GPM6A: variants seen among roughly 807,000 people sequenced by gnomAD.
The protein encoded by GPM6A is neuronal membrane glycoprotein M6-a.
In GPM6A, 7 loss-of-function variants were observed where a neutral mutation model predicts 32.1. That is an observed-to-expected ratio of 0.22 (90% CI 0.12 to 0.41). The LOEUF (loss-of-function observed/expected upper bound fraction) is 0.41, where lower values mean the gene tolerates loss of function less well. GPM6A is among the 10% of genes least tolerant of loss of function. The pLI is 1.00. For synonymous variants in GPM6A, 130 were observed against 123.4 expected (o/e 1.05, Z -0.35); for missense variants, 235 against 347.2 (o/e 0.68, Z 2.57).
chr4:175,975,096 G>C lies in GPM6A; in HGVS notation c.-23+27213C>G, dbSNP rs553696187. Among the ~76,000 whole-genome samples the C allele has an allele frequency of 2.0e-5, 3 of 152,266 alleles. No homozygotes were observed. In the East Asian group the frequency reaches 5.8e-4, roughly 29 times the overall value. Reference sequence around the variant, plus strand: ...TAATACAACAAGCTAGTGCCTGCCTGCATTCTCTGCTCATCTGTGCCATAC... The same window carrying C: ...TAATACAACAAGCTAGTGCCTGCCTCCATTCTCTGCTCATCTGTGCCATAC... On this transcript the variant is annotated intron_variant, in intron 1 of 7. Coordinates refer to the GPM6A transcript ENST00000280187.
intron 2 of GPM6A, among the ~76,000 whole-genome samples, chr4:175,675,438 A>G (rs1400283401): frequency 1.3e-5 from 2 of 152,138 alleles, no homozygotes; most frequent in Non-Finnish European, 2.9e-5. Context: ...TTCTTTGGAT[A>G]GAGACCATGA....
chr4:175,811,697 T>C (rs1472244190), intron 1 of GPM6A, among the ~76,000 whole-genome samples: 1 of 152,228 alleles, frequency 6.6e-6, no homozygotes, highest in African/African-American at 2.4e-5. Flanking sequence ...TCCTCGTTTT[T>C]AGTTTTTATT....
intron 1 of GPM6A, among the ~76,000 whole-genome samples, chr4:175,819,681 A>G (rs764126602): frequency 9.2e-5 from 14 of 152,178 alleles, no homozygotes; most frequent in Non-Finnish European, 1.6e-4. Flanking sequence ...AAACATAGGC[A>G]TTCTGACCCC....
chr4:175,637,617 AAT>A (rs1740811314), intron 6 of GPM6A, among the ~76,000 whole-genome samples: 1 of 26,644 alleles, frequency 3.8e-5, no homozygotes, highest in African/African-American at 8.0e-5. Context: ...TATAATATAT[AAT>A]ATATATTATA....
At chr4:175,775,389 A>G (rs1272131946) in intron 1 of GPM6A, among the ~76,000 whole-genome samples, 2 of 152,166 alleles carry the variant, frequency 1.3e-5, no homozygotes, top group African/African-American at 2.4e-5. Context: ...GAACGTTTCT[A>G]TAGTGGTGTT....
At chr4:175,638,563 T>C (rs76462524) in intron 6 of GPM6A, among the ~76,000 whole-genome samples, 3,315 of 152,222 alleles carry the variant, frequency 0.022, 52 homozygotes, top group Middle Eastern at 0.044. Flanking sequence ...TGTTGATTTG[T>C]TTTGAGAGTA....
chr4:175,690,655 GC>G (rs1230446545), intron 2 of GPM6A, among the ~76,000 whole-genome samples: 3 of 152,156 alleles, frequency 2.0e-5, no homozygotes, highest in African/African-American at 7.2e-5. Flanking sequence ...AAGTAACACT[GC>G]CTTCTTCTCT....
chr4:175,931,107 G>A, intron 1 of GPM6A, among the ~76,000 whole-genome samples: 1 of 152,050 alleles, frequency 6.6e-6, no homozygotes, highest in Non-Finnish European at 1.5e-5. Context: ...ACATCATAGT[G>A]AATATTAACT....
chr4:175,896,413 C>A (rs1737794505), intron 1 of GPM6A, among the ~76,000 whole-genome samples: 1 of 152,058 alleles, frequency 6.6e-6, no homozygotes, highest in African/African-American at 2.4e-5. Flanking sequence ...CGGGGAGGTG[C>A]CTGGGATTCT....
chr4:175,912,683 G>C (rs952939011), intron 1 of GPM6A, among the ~76,000 whole-genome samples: 1 of 151,890 alleles, frequency 6.6e-6, no homozygotes, highest in South Asian at 2.1e-4. Context: ...AAAGAATAAA[G>C]GTGTCAGTAC....
chr4:175,680,063 G>A (rs1743595440), intron 2 of GPM6A, among the ~76,000 whole-genome samples: 1 of 151,980 alleles, frequency 6.6e-6, no homozygotes, highest in South Asian at 2.1e-4. Context: ...ATTGTATCAA[G>A]GTAAGAAACA....
chr4:175,879,072 A>G (rs1393284810), intron 1 of GPM6A, among the ~76,000 whole-genome samples: 1 of 152,162 alleles, frequency 6.6e-6, no homozygotes, highest in African/African-American at 2.4e-5. Flanking sequence ...AGCAAGAGAC[A>G]CCTTTATTCC....
intron 1 of GPM6A, among the ~76,000 whole-genome samples, chr4:175,829,795 T>C (rs1443812473): frequency 6.7e-6 from 1 of 150,332 alleles, no homozygotes; most frequent in Non-Finnish European, 1.5e-5. Context: ...GGGAAGTTAC[T>C]ATAAAACTAA....
chr4:175,832,921 G>A (rs1735658583), intron 1 of GPM6A, among the ~76,000 whole-genome samples: 1 of 152,140 alleles, frequency 6.6e-6, no homozygotes, highest in South Asian at 2.1e-4. Context: ...ATGGTTTCCA[G>A]CCTCTACTAT....
chr4:175,726,698 C>T (rs1244378040), intron 1 of GPM6A, among the ~76,000 whole-genome samples: 1 of 152,034 alleles, frequency 6.6e-6, no homozygotes, highest in Admixed American at 6.6e-5. Context: ...AACTAAAATG[C>T]AAAAATGTTA....
chr4:175,868,455 C>T (rs1736806730), intron 1 of GPM6A, among the ~76,000 whole-genome samples: 1 of 152,194 alleles, frequency 6.6e-6, no homozygotes, highest in Admixed American at 6.5e-5. Flanking sequence ...AATTTATGCA[C>T]TTAATGCTAT....
At position 175,721,663 on chromosome 4, in the gene GPM6A, G is replaced by A. The variant is rs185949967; in HGVS notation, c.38-19896C>T. ...CTTACTACATAAATAACATTATTTG[G>A]AATTAAAATATAGAAGACAATAAAT... is the stretch of plus-strand genomic sequence containing the variant. On this transcript the variant is annotated intron_variant, in intron 1 of 6. Transcript: ENST00000393658. Among the ~76,000 whole-genome samples the A allele has an allele frequency of 5.1e-3, 771 of 152,172 alleles. 11 individuals carry two copies. The highest frequency in any genetic ancestry group is 4.9e-3 in the Non-Finnish European group (332 of 68,000).
intron 1 of GPM6A, among the ~76,000 whole-genome samples, chr4:175,894,948 TA>T (rs1737752476): frequency 6.6e-6 from 1 of 152,290 alleles, no homozygotes; most frequent in Non-Finnish European, 1.5e-5. Context: ...ACTATTACTG[TA>T]ACACACTGCT....
intron 1 of GPM6A, among the ~76,000 whole-genome samples, chr4:175,861,614 T>C (rs185368543): frequency 2.2e-4 from 34 of 151,560 alleles, no homozygotes; most frequent in Middle Eastern, 3.4e-3. Flanking sequence ...TAACTGTACG[T>C]GGTGGCCCAC....
Sources: gnomAD v4.1 joint callset for allele counts (sites outside exome capture counted in the v4.1 genomes callset) on GRCh38, gnomAD v4.1.1 for gene constraint, MANE v1.5 for transcripts, NCBI Gene and HGNC (gene_info 2026-07-23, HGNC 2026-07-21) for gene names.